Variants in SDC4 observed in about 807,000 individuals in gnomAD.
SDC4 encodes syndecan-4.
A neutral mutation model predicts 20.5 loss-of-function variants in SDC4; 17 were observed. That is an observed-to-expected ratio of 0.83 (90% CI 0.57 to 1.25). SDC4 has a LOEUF of 1.25. Ranked by LOEUF, SDC4 falls within the 50% of genes most tolerant of loss-of-function variation. The probability of loss-of-function intolerance (pLI) is 0.00; values close to 1 mark genes in which losing one functional copy is unlikely to be tolerated. For missense variants in SDC4, 241 were observed against 252.3 expected (o/e 0.96, Z 0.30); for synonymous variants, 107 against 105.3 (o/e 1.02, Z -0.10).
At chr20:45,332,915 G>A (rs1442749674) in intron 3 of SDC4, 108 bp downstream of exon 3, 2 of 1,073,428 alleles carry the variant, frequency 1.9e-6, no homozygotes, top group East Asian at 2.4e-5. Context: ...GCATAGTGGG[G>A]TAAGACCCCT....
chr20:45,341,883 A>G (rs1987957569), intron 1 of SDC4, among the ~76,000 whole-genome samples: 1 of 152,136 alleles, frequency 6.6e-6, no homozygotes. Flanking sequence ...CCTTGTTACT[A>G]ACTCCCTGGA....
intron 1 of SDC4, chr20:45,345,659 T>G (rs978942962): frequency 1.3e-5 from 2 of 152,190 alleles, no homozygotes; most frequent in Non-Finnish European, 2.9e-5. Flanking sequence ...GGGGGACACT[T>G]CCCCACAACC....
chr20:45,347,342 T>C (rs927539839), intron 1 of SDC4, among the ~76,000 whole-genome samples: 4 of 152,210 alleles, frequency 2.6e-5, no homozygotes, highest in Non-Finnish European at 5.9e-5. Flanking sequence ...GCTCAGGCTG[T>C]GGGGGACAGA....
intron 1 of SDC4, among the ~76,000 whole-genome samples, chr20:45,337,946 G>A (rs376336361): frequency 3.3e-5 from 5 of 152,294 alleles, no homozygotes; most frequent in African/African-American, 9.6e-5. Context: ...AGGAGCTGCC[G>A]GGCTGCTGGT....
At position 45,335,770 on chromosome 20, in the gene SDC4, C is replaced by A; in HGVS notation, c.199+12G>T. ...GCTTTGTGCCTACGCCTGCCCAGCA[C>A]ACCTTCCGTACCCAGATCTCCAGAG... On this transcript the variant is annotated intron_variant, in intron 2 of 4. Coordinates refer to ENST00000372733, the MANE Select transcript of SDC4 (RefSeq NM_002999.4). 6.2e-7 allele frequency: 1 copy of A among 1,613,052 alleles called. No individual in the cohort carries two copies. The highest frequency in any genetic ancestry group is 8.5e-7 in the Non-Finnish European group (1 of 1,179,562).
At chr20:45,342,216 A>G (rs976045017) in intron 1 of SDC4, among the ~76,000 whole-genome samples, 1 of 152,190 alleles carries the variant, frequency 6.6e-6, no homozygotes, top group Non-Finnish European at 1.5e-5. Flanking sequence ...TCAGCTGATT[A>G]GATCAGCCCT....
At chr20:45,344,743 C>T (rs1263029024) in intron 1 of SDC4, among the ~76,000 whole-genome samples, 2 of 152,154 alleles carry the variant, frequency 1.3e-5, no homozygotes, top group African/African-American at 4.8e-5. Flanking sequence ...AGGAGGCCAG[C>T]AAAGGGCCCC....
At chr20:45,336,152 C>T (rs1026338575) in intron 1 of SDC4, among the ~76,000 whole-genome samples, 3 of 152,220 alleles carry the variant, frequency 2.0e-5, no homozygotes, top group African/African-American at 7.2e-5. Context: ...GTGGCTCACA[C>T]CTGTAATCCC....
At chr20:45,336,244 C>T (rs1405970209) in intron 1 of SDC4, among the ~76,000 whole-genome samples, 1 of 152,180 alleles carries the variant, frequency 6.6e-6, no homozygotes, top group African/African-American at 2.4e-5. Context: ...GAAACCCCGT[C>T]TCTACTAAAA....
intron 3 of SDC4, among the ~76,000 whole-genome samples, chr20:45,332,394 C>T: frequency 6.6e-6 from 1 of 152,100 alleles, no homozygotes. Context: ...CTCCTGACCT[C>T]AGGTGATCTG....
chr20:45,341,327 T>C (rs892477824), intron 1 of SDC4, among the ~76,000 whole-genome samples: 1 of 152,146 alleles, frequency 6.6e-6, no homozygotes, highest in Non-Finnish European at 1.5e-5. Flanking sequence ...TAATAGGTTA[T>C]CATTTTGCTT....
intron 1 of SDC4, among the ~76,000 whole-genome samples, chr20:45,347,684 T>C (rs1447184407): frequency 2.6e-5 from 4 of 151,818 alleles, no homozygotes; most frequent in Non-Finnish European, 5.9e-5. Flanking sequence ...AAGAGCAGAG[T>C]CCCCAACTTT....
At position 45,325,392 on chromosome 20, in the gene SDC4, A is replaced by AGGG. The variant is rs995418554; in HGVS notation, c.*1869_*1871dup. 1.3e-5 allele frequency: 2 copies of AGGG among 152,740 alleles called. No homozygotes were observed. The highest frequency in any genetic ancestry group is 4.8e-5 in the African/African-American group (2 of 41,454). 9.5% of individuals were successfully genotyped at this position (152,740 alleles called of 1,614,324 possible). ...GAGGTGCTCACTCCAACACAGCCCA[A>AGGG]GGGGAAGGGCACTGGGGGCAGAAGA... On this transcript the variant is annotated 3_prime_UTR_variant, in exon 5 of 5. Coordinates refer to ENST00000372733, the MANE Select transcript of SDC4 (RefSeq NM_002999.4).
At chr20:45,348,240 C>CCG (rs1555865257) in intron 1 of SDC4, 85 bp downstream of exon 1, 4 of 1,191,940 alleles carry the variant, frequency 3.4e-6, no homozygotes, top group Admixed American at 4.0e-5. Context: ...GATCTGCCCC[C>CCG]CCCCATCCCA....
rs5841588 is a variant in SDC4, at chr20:45,348,235, G to GCCCCC, written c.60+85_60+89dup. 130 of 890,274 alleles carry GCCCCC rather than the reference G, an allele frequency of 1.5e-4. 1 individual carries two copies. In the African/African-American group the frequency reaches 2.2e-3, roughly 15 times the overall value. The allele number at this position is 890,274 out of a possible 1,614,324, so 55.1% of individuals were successfully genotyped here. A position where few individuals can be genotyped will look rare whatever the true frequency, so the allele number is the denominator to read the frequency against. ...GTTGGGGGTAGCGTACCCCCGATCT[G>GCCCCC]CCCCCCCCCATCCCACGCTCCGACG... is the stretch of plus-strand genomic sequence containing the variant. On this transcript the variant is annotated intron_variant, in intron 1 of 4. Transcript: ENST00000372733.
chr20:45,348,235 G>GGCCCC, intron 1 of SDC4, 90 bp downstream of exon 1: 1 of 889,352 alleles, frequency 1.1e-6, no homozygotes, highest in African/African-American at 1.8e-5. Context: ...CCCCCGATCT[G>GGCCCC]CCCCCCCCCA....
In SDC4 at chr20:45,335,900, G is replaced by C. The variant is rs772766910; in HGVS notation, c.81C>G (p.Ile27Met). The C allele has an allele frequency of 1.2e-6, 2 of 1,613,064 alleles. No homozygotes were observed. The highest frequency in any genetic ancestry group is 1.1e-5 in the South Asian group (1 of 91,064). The change falls in exon 2 of 5, where the codon ATC becomes ATG. Residue 27 changes from isoleucine to methionine, a missense_variant. Transcript: ENST00000372733. ...GGCCTTCTAGGAGGTCCTGGGGGTC[G>C]ATGACCTCAGTCTCTCGGATCTAAG... The part of the protein sequence containing the change: ...VAESIRETEV[I>M]DPQDLLEGRY...
Position 45,327,357 on chromosome 20 carries a change from G to A in SDC4, c.504C>T (p.Leu168=), listed in dbSNP as rs1987708363. 4 of 1,614,030 alleles carry A rather than the reference G, an allele frequency of 2.5e-6. No individual in the cohort carries two copies. In the African/African-American group the frequency reaches 4.0e-5, roughly 16 times the overall value. Residue 168 remains leucine (L), a synonymous_variant, in exon 5 of 5, where the codon CTC becomes CTT. Transcript: ENST00000372733. ...ILFAVFLILL[L]MYRMKKKDEG... ...CATCCTTCTTCTTCATACGGTACAT[G>A]AGCAGTAGGATCAGGAAGACGGCAA...
At chr20:45,332,865 C>A (rs1221048943) in intron 3 of SDC4, among the ~76,000 whole-genome samples, 158 bp downstream of exon 3, 1 of 152,228 alleles carries the variant, frequency 6.6e-6, no homozygotes, top group Non-Finnish European at 1.5e-5. Flanking sequence ...GCCTGAGCCA[C>A]CATGCCCACC....
Sources: allele counts gnomAD v4.1 joint callset (sites outside exome capture counted in the v4.1 genomes callset), GRCh38; gene constraint gnomAD v4.1.1; transcripts MANE v1.5; gene names NCBI Gene and HGNC (gene_info 2026-07-23, HGNC 2026-07-21).